The following BBS9 variants were observed in gnomAD, a reference collection of about 807,000 sequenced individuals.
BBS9 encodes protein PTHB1.
A neutral mutation model predicts 117.7 loss-of-function variants in BBS9; 89 were observed. The observed-to-expected ratio is 0.76, with a 90% CI of 0.64 to 0.90. The LOEUF (loss-of-function observed/expected upper bound fraction) is 0.90. Ranked by LOEUF, BBS9 falls within the 40% of genes least tolerant of loss-of-function variation. The pLI is 0.00. For missense variants in BBS9, 982 were observed against 1,042.2 expected (o/e 0.94, Z 0.80); for synonymous variants, 379 against 370.9 (o/e 1.02, Z -0.25).
In BBS9 at chr7:33,546,584, C is replaced by T. The variant is rs566600502; in HGVS notation, c.2521+12408C>T. Among the ~76,000 whole-genome samples the T allele has an allele frequency of 3.3e-5, 5 of 152,200 alleles. No homozygotes were observed. In the East Asian group the frequency reaches 7.7e-4, roughly 24 times the overall value. ...TTTACTAGAACATTATTTTTCTAGC[C>T]ATATCTTCTACATTTTCTTCCTTAG... On this transcript the variant is annotated intron_variant, in intron 21 of 22. Coordinates refer to ENST00000242067, the MANE Select transcript of BBS9 (RefSeq NM_198428.3).
rs1373409635 is a variant in BBS9 at position 33,526,530 on chromosome 7, T to G, written c.2299-7424T>G. Among the ~76,000 whole-genome samples, 13 of 151,406 alleles carry G rather than the reference T, an allele frequency of 8.6e-5. No individual in the cohort carries two copies. In the East Asian group the frequency reaches 2.5e-3, roughly 30 times the overall value. On this transcript the variant is annotated intron_variant, in intron 20 of 22. Transcript: ENST00000242067. ...CCATTGCTGATACCCTTTCTTCCAG[T>G]TGATCACATCAGCTCCTGAGGCTTC...
intron 17 of BBS9, among the ~76,000 whole-genome samples, chr7:33,377,251 A>G (rs1824068715): frequency 6.6e-6 from 1 of 152,072 alleles, no homozygotes; most frequent in Admixed American, 6.6e-5. Context: ...TCCAGTTTCA[A>G]TCTTTTGCAT....
At chr7:33,407,256 A>C (rs1399549145) in intron 19 of BBS9, among the ~76,000 whole-genome samples, 2 of 152,088 alleles carry the variant, frequency 1.3e-5, no homozygotes, top group Admixed American at 1.3e-4. Flanking sequence ...TTCTTCACTT[A>C]GTTCTCAAGC....
intron 19 of BBS9, among the ~76,000 whole-genome samples, chr7:33,416,282 T>C (rs1584746288): frequency 6.6e-6 from 1 of 151,430 alleles, no homozygotes; most frequent in East Asian, 1.9e-4. Flanking sequence ...TTCACATGGG[T>C]CCTGCCTTCT....
chr7:33,397,710 T>C (rs1004593361), intron 19 of BBS9, among the ~76,000 whole-genome samples: 5 of 152,254 alleles, frequency 3.3e-5, no homozygotes, highest in Admixed American at 1.3e-4. Flanking sequence ...AGCAAACTAA[T>C]GCAGAAACAG....
At chr7:33,478,448 G>A (rs1842083877) in intron 19 of BBS9, among the ~76,000 whole-genome samples, 2 of 152,150 alleles carry the variant, frequency 1.3e-5, no homozygotes, top group Non-Finnish European at 2.9e-5. Context: ...CATGGCCATG[G>A]TAATTCTTAC....
chr7:33,628,879 T>C (rs549206487), intron 21 of BBS9, among the ~76,000 whole-genome samples: 13 of 152,066 alleles, frequency 8.5e-5, no homozygotes, highest in Non-Finnish European at 1.6e-4. Context: ...CCACAAACAA[T>C]TGGAAAGTAA....
At chr7:33,608,330 A>G (rs1000466067), downstream of BBS9, among the ~76,000 whole-genome samples, 3 of 152,128 alleles carry the variant, frequency 2.0e-5, no homozygotes, top group African/African-American at 7.2e-5. Flanking sequence ...TACTATTGTG[A>G]ATAGTGCTGC....
At chr7:33,417,517 T>C (rs1257987330) in intron 19 of BBS9, among the ~76,000 whole-genome samples, 1 of 152,234 alleles carries the variant, frequency 6.6e-6, no homozygotes, top group East Asian at 1.9e-4. Context: ...GCAAATAATT[T>C]TCATCTCCTA....
intron 16 of BBS9, among the ~76,000 whole-genome samples, chr7:33,365,748 C>G (rs572530398): frequency 1.3e-5 from 2 of 152,298 alleles, no homozygotes; most frequent in East Asian, 3.9e-4. Context: ...CACAGGAACC[C>G]CCACTGCTGT....
intron 19 of BBS9, among the ~76,000 whole-genome samples, chr7:33,404,288 G>A (rs927825769): frequency 1.8e-4 from 27 of 152,096 alleles, no homozygotes; most frequent in Non-Finnish European, 3.4e-4. Context: ...GATGCCTCCA[G>A]CTTTGTTCTT....
intron 5 of BBS9, among the ~76,000 whole-genome samples, chr7:33,215,815 A>G (rs1265657238): frequency 6.6e-6 from 1 of 152,272 alleles, no homozygotes; most frequent in Non-Finnish European, 1.5e-5. Context: ...TCTCATGATG[A>G]CAGAGAAGCT....
At chr7:33,190,900 T>C (rs1162625319) in intron 5 of BBS9, among the ~76,000 whole-genome samples, 1 of 152,140 alleles carries the variant, frequency 6.6e-6, no homozygotes, top group African/African-American at 2.4e-5. Flanking sequence ...AATAATTAAC[T>C]GTGGTGAATC....
At chr7:33,499,256 A>G (rs184850769) in intron 19 of BBS9, among the ~76,000 whole-genome samples, 1 of 152,318 alleles carries the variant, frequency 6.6e-6, no homozygotes, top group Admixed American at 6.5e-5. Context: ...GATGTTAGAG[A>G]TCATGTTTCC....
chr7:33,410,168 G>A (rs1338545966), intron 19 of BBS9, among the ~76,000 whole-genome samples: 4 of 152,130 alleles, frequency 2.6e-5, no homozygotes, highest in Non-Finnish European at 5.9e-5. Flanking sequence ...ATGACTGTTT[G>A]ACAAAGACCT....
intron 19 of BBS9, among the ~76,000 whole-genome samples, chr7:33,443,124 C>G (rs1266894349): frequency 6.6e-6 from 1 of 151,980 alleles, no homozygotes; most frequent in Non-Finnish European, 1.5e-5. Context: ...AGAACTGGCA[C>G]CATTACCAAG....
intron 9 of BBS9, among the ~76,000 whole-genome samples, chr7:33,284,375 T>C (rs1273633523): frequency 3.3e-5 from 5 of 152,186 alleles, no homozygotes; most frequent in African/African-American, 1.2e-4. Context: ...TTGTCAGTCT[T>C]TATTGTTGCT....
At chr7:33,247,051 A>G (rs1364227185) in intron 5 of BBS9, among the ~76,000 whole-genome samples, 1 of 151,418 alleles carries the variant, frequency 6.6e-6, no homozygotes, top group Admixed American at 6.6e-5. Flanking sequence ...TTTTTGGCAA[A>G]AAAGATGAAT....
chr7:33,270,668 A>G (rs545798997), intron 7 of BBS9, among the ~76,000 whole-genome samples: 18 of 152,326 alleles, frequency 1.2e-4, no homozygotes, highest in African/African-American at 4.3e-4. Flanking sequence ...AATAAAGAAA[A>G]AAGATAAGAA....
Sources: allele counts gnomAD v4.1 joint callset (sites outside exome capture counted in the v4.1 genomes callset), GRCh38; gene constraint gnomAD v4.1.1; transcripts MANE v1.5; gene names NCBI Gene and HGNC (gene_info 2026-07-23, HGNC 2026-07-21).